TAFA1: variants seen among roughly 807,000 people sequenced by gnomAD.
TAFA1 encodes TAFA chemokine like family member 1.
Under a neutral mutation model 18.5 loss-of-function variants are expected in TAFA1, and 4 were observed. The ratio of observed to expected loss-of-function variants is 0.22; its 90% CI spans 0.11 to 0.49. The LOEUF (loss-of-function observed/expected upper bound fraction) is 0.49. Ranked by LOEUF, TAFA1 falls within the 20% of genes least tolerant of loss-of-function variation. The pLI, the probability that TAFA1 is intolerant of heterozygous loss-of-function variation, is 0.98. For synonymous variants in TAFA1, 56 were observed against 55.2 expected, an observed-to-expected ratio of 1.01 and a Z score of -0.06; for missense variants, 147 against 169.0, an observed-to-expected ratio of 0.87 and a Z score of 0.72.
intron 2 of TAFA1, among the ~76,000 whole-genome samples, chr3:68,365,962 G>C (rs1409431791): frequency 6.6e-6 from 1 of 151,704 alleles, no homozygotes; most frequent in Non-Finnish European, 1.5e-5. Context: ...GCACGTGCCT[G>C]TAGTCCCAGC....
At chr3:68,329,363 G>A (rs187105708) in intron 2 of TAFA1, among the ~76,000 whole-genome samples, 1 of 151,908 alleles carries the variant, frequency 6.6e-6, no homozygotes, top group East Asian at 1.9e-4. Context: ...ACAGCGCCCA[G>A]CCACTTGTGA....
At chr3:68,133,863 C>T (rs928293751) in intron 2 of TAFA1, among the ~76,000 whole-genome samples, 9 of 151,844 alleles carry the variant, frequency 5.9e-5, no homozygotes, top group African/African-American at 2.2e-4. Context: ...GCTGAGGGGA[C>T]ATAATATCCA....
rs10610707 is a variant in TAFA1, at chr3:68,021,185, C to CAAAAAAAAAAAAAAAAAAAAA, written c.118+14448_118+14468dup. The stretch of plus-strand genomic sequence containing the variant: ...TAGTCAACAGAACAAGACCCTGTCT[C>CAAAAAAAAAAAAAAAAAAAAA]AAAAAAAAAAAAAAAAAAAAAAAAA... On this transcript the variant is annotated intron_variant, in intron 2 of 4. Transcript: ENST00000478136. Among the ~76,000 whole-genome samples the CAAAAAAAAAAAAAAAAAAAAA allele has an allele frequency of 3.6e-5, 2 of 56,092 alleles. 1 individual carries two copies. The highest frequency in any genetic ancestry group is 6.3e-5 in the Non-Finnish European group (2 of 31,588). The allele number at this position is 56,092 out of a possible 152,430, so 36.8% of individuals were successfully genotyped here.
chr3:68,140,632 T>C (rs2065658085), intron 2 of TAFA1, among the ~76,000 whole-genome samples: 1 of 152,178 alleles, frequency 6.6e-6, no homozygotes, highest in African/African-American at 2.4e-5. Flanking sequence ...TGTGCCACCA[T>C]CTGTAAAATG....
intron 2 of TAFA1, among the ~76,000 whole-genome samples, chr3:68,021,080 G>A (rs1704678369): frequency 6.7e-6 from 1 of 148,778 alleles, no homozygotes; most frequent in South Asian, 2.1e-4. Flanking sequence ...CAGCTACTCG[G>A]AAGGCTGAGA....
chr3:68,087,956 G>C (rs1054224989), intron 2 of TAFA1, among the ~76,000 whole-genome samples: 2 of 152,086 alleles, frequency 1.3e-5, no homozygotes, highest in East Asian at 1.9e-4. Context: ...CTGTGTGCCA[G>C]GTTCTGGGAC....
chr3:68,269,731 G>A (rs1234023369), intron 2 of TAFA1, among the ~76,000 whole-genome samples: 1 of 152,180 alleles, frequency 6.6e-6, no homozygotes, highest in African/African-American at 2.4e-5. Context: ...AGACCAGCCT[G>A]AGCAAAATGG....
At chr3:68,316,614 CT>C (rs2068610015) in intron 2 of TAFA1, among the ~76,000 whole-genome samples, 1 of 152,070 alleles carries the variant, frequency 6.6e-6, no homozygotes, top group South Asian at 2.1e-4. Context: ...TTTTTATGAG[CT>C]GGTTTGAGTG....
chr3:68,535,190 C>T (rs929277854), intron 3 of TAFA1, among the ~76,000 whole-genome samples: 1 of 152,044 alleles, frequency 6.6e-6, no homozygotes, highest in African/African-American at 2.4e-5. Flanking sequence ...ACTGGCAAAC[C>T]TTGATTTGTG....
intron 2 of TAFA1, among the ~76,000 whole-genome samples, chr3:68,207,702 A>T (rs2066543966): frequency 6.6e-6 from 1 of 151,980 alleles, no homozygotes; most frequent in Non-Finnish European, 1.5e-5. Flanking sequence ...ATCTATTCTG[A>T]TAGTACTTGC....
chr3:68,208,732 GT>G (rs998047436), intron 2 of TAFA1, among the ~76,000 whole-genome samples: 2 of 151,980 alleles, frequency 1.3e-5, no homozygotes, highest in African/African-American at 4.8e-5. Flanking sequence ...CCTTCAGGTT[GT>G]TTGCATATGC....
chr3:68,377,994 T>C (rs993960613), intron 2 of TAFA1, among the ~76,000 whole-genome samples: 1 of 152,190 alleles, frequency 6.6e-6, no homozygotes, highest in African/African-American at 2.4e-5. Flanking sequence ...ACAGGTTATA[T>C]GAAAACGCCT....
chr3:68,069,531 C>G (rs548774251), intron 2 of TAFA1, among the ~76,000 whole-genome samples: 14 of 152,264 alleles, frequency 9.2e-5, no homozygotes, highest in African/African-American at 2.9e-4. Flanking sequence ...CCGTATCATT[C>G]CACCCCTCAC....
intron 2 of TAFA1, among the ~76,000 whole-genome samples, chr3:68,071,959 T>C (rs1445732584): frequency 1.3e-5 from 2 of 152,118 alleles, no homozygotes; most frequent in East Asian, 3.9e-4. Context: ...GTATTAGGAA[T>C]TACAATTAGA....
intron 2 of TAFA1, among the ~76,000 whole-genome samples, chr3:68,349,220 C>T (rs142356592): frequency 6.6e-5 from 10 of 151,734 alleles, no homozygotes; most frequent in African/African-American, 1.9e-4. Flanking sequence ...TGGCTTGGAG[C>T]GTTTAAATCA....
chr3:68,264,868 G>C (rs969177730), intron 2 of TAFA1, among the ~76,000 whole-genome samples: 3 of 152,050 alleles, frequency 2.0e-5, no homozygotes, highest in Non-Finnish European at 4.4e-5. Context: ...GCAATTTAGT[G>C]TTGCATCTGA....
chr3:68,338,662 C>T (rs2069019471), intron 2 of TAFA1, among the ~76,000 whole-genome samples: 1 of 152,156 alleles, frequency 6.6e-6, no homozygotes, highest in South Asian at 2.1e-4. Context: ...CAAAACTTTG[C>T]TTTCTTATTC....
intron 2 of TAFA1, among the ~76,000 whole-genome samples, chr3:68,262,308 TA>T (rs2067444266): frequency 1.0e-3 from 2 of 1,964 alleles, no homozygotes; most frequent in Non-Finnish European, 2.2e-3. Flanking sequence ...ATATGGAGGG[TA>T]TATATATATA....
At chr3:68,055,313 A>G (rs956999047) in intron 2 of TAFA1, among the ~76,000 whole-genome samples, 1 of 152,064 alleles carries the variant, frequency 6.6e-6, no homozygotes, top group Non-Finnish European at 1.5e-5. Flanking sequence ...TGCGGGGGGC[A>G]AGAGGTGGGA....
Sources: allele counts gnomAD v4.1 joint callset (sites outside exome capture counted in the v4.1 genomes callset), GRCh38; gene constraint gnomAD v4.1.1; transcripts MANE v1.5; gene names NCBI Gene and HGNC (gene_info 2026-07-23, HGNC 2026-07-21).